Variants in DIP2B observed in about 807,000 individuals in gnomAD.
DIP2B encodes disco-interacting protein 2 homolog B.
In DIP2B, 76 loss-of-function variants were observed where a neutral mutation model predicts 198.0. That is an observed-to-expected ratio of 0.38 (90% CI 0.32 to 0.46). DIP2B has a LOEUF of 0.46. Among genes scored for constraint, DIP2B ranks in the 20% least tolerant of loss-of-function variants. DIP2B has a pLI of 0.99. For synonymous variants in DIP2B, 701 were observed against 739.1 expected, an observed-to-expected ratio of 0.95 and a Z score of 0.84; for missense variants, 1,559 against 1,978.4, an observed-to-expected ratio of 0.79 and a Z score of 4.02.
At chr12:50,661,921 T>C (rs1938655355) in intron 4 of DIP2B, among the ~76,000 whole-genome samples, 1 of 152,206 alleles carries the variant, frequency 6.6e-6, no homozygotes, top group Non-Finnish European at 1.5e-5. Context: ...ACCTTGAGAA[T>C]GCTCAGAAGG....
At chr12:50,633,203 T>G (rs1395740813) in intron 2 of DIP2B, 1 of 152,128 alleles carries the variant, frequency 6.6e-6, no homozygotes, top group African/African-American at 2.4e-5. Context: ...TCAGAAAAAA[T>G]TAACAGTGTA....
chr12:50,733,970 A>G (rs1940093442), intron 32 of DIP2B, among the ~76,000 whole-genome samples, 165 bp from the exon 33 acceptor site: 1 of 152,232 alleles, frequency 6.6e-6, no homozygotes, highest in African/African-American at 2.4e-5. Context: ...CAGTGCTGCC[A>G]CAGTCCCCGT....
intron 2 of DIP2B, among the ~76,000 whole-genome samples, chr12:50,639,038 G>A (rs141079533): frequency 5.9e-5 from 9 of 151,804 alleles, no homozygotes; most frequent in African/African-American, 1.9e-4. Flanking sequence ...GCCCCCATTC[G>A]TGATAAATCA....
intron 3 of DIP2B, among the ~76,000 whole-genome samples, chr12:50,652,593 T>C (rs1423272523): frequency 6.6e-6 from 1 of 152,082 alleles, no homozygotes; most frequent in Non-Finnish European, 1.5e-5. Flanking sequence ...TTATTTTGGC[T>C]ATTTGGAATC....
At chr12:50,734,234 C>T in intron 33 of DIP2B, 38 bp downstream of exon 33, 1 of 1,607,200 alleles carries the variant, frequency 6.2e-7, no homozygotes, top group South Asian at 1.1e-5. Flanking sequence ...CCTACTAGTT[C>T]CTAAGCATAA....
At chr12:50,647,680 G>C (rs571893020) in intron 3 of DIP2B, among the ~76,000 whole-genome samples, 140 of 152,266 alleles carry the variant, frequency 9.2e-4, no homozygotes, top group Middle Eastern at 3.4e-3. Flanking sequence ...TTGCTTTTCA[G>C]TCACTCTGTC....
intron 13 of DIP2B, 26 bp from the exon 14 acceptor site, chr12:50,692,923 T>C: frequency 1.3e-6 from 2 of 1,597,848 alleles, no homozygotes; most frequent in Non-Finnish European, 1.7e-6. Context: ...GATGATTTCT[T>C]TGTCTTCCTA....
intron 1 of DIP2B, among the ~76,000 whole-genome samples, chr12:50,557,407 C>CCACTCT (rs1958480807): frequency 6.6e-6 from 1 of 152,188 alleles, no homozygotes; most frequent in African/African-American, 2.4e-5. Context: ...CCTACTATGG[C>CCACTCT]TTGGATGATC....
At chr12:50,713,192 C>T (rs1939650810) in intron 22 of DIP2B, among the ~76,000 whole-genome samples, 1 of 152,176 alleles carries the variant, frequency 6.6e-6, no homozygotes, top group South Asian at 2.1e-4. Flanking sequence ...AAACTGTCTT[C>T]TCACCTTGGC....
At position 50,692,916 on chromosome 12, in the gene DIP2B, G is replaced by A. The variant is rs759325358; in HGVS notation, c.1655-33G>A. ...AATTTTGCTACTTAATACTAAAGAT[G>A]ATTTCTTTGTCTTCCTATTTTTTCT... On this transcript the variant is annotated intron_variant, in intron 13 of 37. Coordinates refer to ENST00000301180, the MANE Select transcript of DIP2B (RefSeq NM_173602.3). 4 of 1,585,356 alleles carry A rather than the reference G, an allele frequency of 2.5e-6. No individual in the cohort carries two copies. In the East Asian group the frequency reaches 9.0e-5, roughly 36 times the overall value.
rs575124756 is a variant in DIP2B, at chr12:50,522,011, A to T, written c.100+16771A>T. On this transcript the variant is annotated intron_variant, in intron 1 of 37. Transcript: ENST00000301180. ...TTTTATTATTGTATATTTTATTATTATTTTTTTAAGATAGAGTCTTGCTCT... is the reference window on the plus strand; with the variant it reads ...TTTTATTATTGTATATTTTATTATTTTTTTTTTAAGATAGAGTCTTGCTCT... Among the ~76,000 whole-genome samples, 10 of 150,670 alleles carry T rather than the reference A, an allele frequency of 6.6e-5. No individual in the cohort carries two copies. The South Asian group carries it at 1.5e-3, about 22-fold the overall frequency.
In DIP2B at chr12:50,661,696, A is replaced by G. The variant is rs77232268; in HGVS notation, c.427+1377A>G. ...TACAGCACAAGTTGGGTCCTCATGG[A>G]CAAAGGGGGCTCTCAGTTTAGTAGC... On this transcript the variant is annotated intron_variant, in intron 4 of 37. Transcript: ENST00000301180. Among the ~76,000 whole-genome samples, 38 of 152,318 alleles carry G rather than the reference A, an allele frequency of 2.5e-4. No individual in the cohort carries two copies. In the East Asian group the frequency reaches 6.9e-3, roughly 28 times the overall value.
intron 9 of DIP2B, among the ~76,000 whole-genome samples, 157 bp downstream of exon 9, chr12:50,680,920 C>T (rs969165513): frequency 6.6e-6 from 1 of 152,116 alleles, no homozygotes; most frequent in Middle Eastern, 3.2e-3. Context: ...CAGGTTAGCC[C>T]AATGCCAGAT....
rs766821042 is a variant in DIP2B at position 50,592,251 on chromosome 12, T to C, written c.101-33725T>C. Among the ~76,000 whole-genome samples, 10 of 152,176 alleles carry C rather than the reference T, an allele frequency of 6.6e-5. 1 individual carries two copies. The highest frequency in any genetic ancestry group is 1.3e-4 in the Non-Finnish European group (9 of 68,022). On this transcript the variant is annotated intron_variant, in intron 1 of 37. Transcript: ENST00000301180. ...GTATAGTGACACCATCGTAGCTCAC[T>C]GCAGCCTCGAACTCTTGGGCTCAGG...
intron 1 of DIP2B, among the ~76,000 whole-genome samples, chr12:50,537,892 G>C (rs1958284664): frequency 6.6e-6 from 1 of 152,132 alleles, no homozygotes; most frequent in East Asian, 1.9e-4. Context: ...GACTGGATTT[G>C]TCAGTTACAG....
chr12:50,650,979 A>AT (rs1277590388), intron 3 of DIP2B, among the ~76,000 whole-genome samples: 2 of 152,010 alleles, frequency 1.3e-5, no homozygotes, highest in Non-Finnish European at 2.9e-5. Flanking sequence ...GTATTTTCTG[A>AT]TTTTTTGATA....
intron 30 of DIP2B, 80 bp downstream of exon 30, chr12:50,728,758 C>T: frequency 6.6e-7 from 1 of 1,514,666 alleles, no homozygotes; most frequent in Non-Finnish European, 8.9e-7. Flanking sequence ...TCCCTTTGCT[C>T]CCTTAATTTG....
chr12:50,660,211 G>A lies in DIP2B; in HGVS notation c.319G>A (p.Val107Ile). 1 of 1,611,344 alleles carries A rather than the reference G, an allele frequency of 6.2e-7. No individual in the cohort carries two copies. The highest frequency in any genetic ancestry group is 8.5e-7 in the Non-Finnish European group (1 of 1,178,880). Reference sequence around the variant, plus strand: ...TTTTTCAGATATCCACACAGAAGCAGTTCAGGCTGCACTGGCAAAGCATAA... The same window carrying A: ...TTTTTCAGATATCCACACAGAAGCAATTCAGGCTGCACTGGCAAAGCATAA... ...RYRSDIHTEA[V>I]QAALAKHKEQ... Residue 107 changes from valine (V) to isoleucine (I), a missense_variant, in exon 4 of 38, where the codon GTT (valine) becomes ATT (isoleucine). By Grantham distance (29) the Val-to-Ile change is conservative (BLOSUM62 3). Coordinates refer to ENST00000301180, the MANE Select transcript of DIP2B (RefSeq NM_173602.3).
chr12:50,632,994 G>A (rs1409659916), intron 2 of DIP2B, among the ~76,000 whole-genome samples: 2 of 151,742 alleles, frequency 1.3e-5, no homozygotes, highest in Non-Finnish European at 2.9e-5. Context: ...GCTCAGGCTG[G>A]TCTCAAACGC....
Sources: gnomAD v4.1 joint callset for allele counts (sites outside exome capture counted in the v4.1 genomes callset) on GRCh38, gnomAD v4.1.1 for gene constraint, MANE v1.5 for transcripts, NCBI Gene and HGNC (gene_info 2026-07-23, HGNC 2026-07-21) for gene names.